The following NTRK3 variants were observed in gnomAD, a reference collection of about 807,000 sequenced individuals.
NTRK3 encodes neurotrophic receptor tyrosine kinase 3.
NTRK3 carries 24 observed loss-of-function variants against 91.7 expected under a neutral mutation model. The observed-to-expected ratio is 0.26, with a 90% CI of 0.19 to 0.37. The LOEUF is 0.37. Among genes scored for constraint, NTRK3 ranks in the 10% least tolerant of loss-of-function variants. The pLI is 1.00. For missense variants in NTRK3, 880 were observed against 1,068.9 expected (o/e 0.82, Z 2.46); for synonymous variants, 483 against 404.0 (o/e 1.20, Z -2.34).
intron 13 of NTRK3, among the ~76,000 whole-genome samples, chr15:88,108,374 T>C (rs1208665359): frequency 2.6e-5 from 4 of 152,202 alleles, no homozygotes; most frequent in African/African-American, 9.6e-5. Context: ...GGAAGTTCAT[T>C]GCCTATTTTC....
chr15:88,245,661 TG>T (rs1291503128), intron 3 of NTRK3, among the ~76,000 whole-genome samples: 1 of 152,148 alleles, frequency 6.6e-6, no homozygotes, highest in Non-Finnish European at 1.5e-5. Context: ...GATGAGGTTC[TG>T]GGGTGTAGTA....
chr15:88,063,913 C>T (rs939354218), intron 13 of NTRK3, among the ~76,000 whole-genome samples: 1 of 152,220 alleles, frequency 6.6e-6, no homozygotes, highest in Non-Finnish European at 1.5e-5. Flanking sequence ...TGTACAGTGT[C>T]TTCTGCTCCC....
At chr15:88,186,315 A>G (rs1344207984) in intron 3 of NTRK3, among the ~76,000 whole-genome samples, 1 of 152,228 alleles carries the variant, frequency 6.6e-6, no homozygotes, top group Non-Finnish European at 1.5e-5. Context: ...GTTGTCAATC[A>G]TTACCATGTT....
At chr15:87,860,588 C>T (rs988876709) in exon 19 of NTRK3, 1 of 205,012 alleles carries the variant, frequency 4.9e-6, no homozygotes, top group Non-Finnish European at 1.0e-5. Flanking sequence ...ATTGATTCTC[C>T]AAGACTCGCC....
chr15:87,919,737 T>A (rs1201976710), intron 17 of NTRK3, among the ~76,000 whole-genome samples: 1 of 152,112 alleles, frequency 6.6e-6, no homozygotes, highest in African/African-American at 2.4e-5. Flanking sequence ...AAGAAGAGGG[T>A]GGAGCAGAAA....
intron 5 of NTRK3, among the ~76,000 whole-genome samples, chr15:88,180,471 A>G (rs568434758): frequency 6.6e-6 from 1 of 152,354 alleles, no homozygotes; most frequent in Non-Finnish European, 1.5e-5. Context: ...CCTACTGTAC[A>G]GCAGACAACT....
chr15:87,964,960 G>A (rs906064182), intron 14 of NTRK3, among the ~76,000 whole-genome samples: 3 of 152,184 alleles, frequency 2.0e-5, no homozygotes, highest in African/African-American at 7.2e-5. Flanking sequence ...GCAAGTTTGT[G>A]TGTGTGTATA....
intron 13 of NTRK3, among the ~76,000 whole-genome samples, chr15:88,102,721 C>T (rs977142947): frequency 6.6e-6 from 1 of 152,132 alleles, no homozygotes; most frequent in African/African-American, 2.4e-5. Context: ...CATCCCCCTC[C>T]GAAATCTCCC....
intron 13 of NTRK3, among the ~76,000 whole-genome samples, chr15:88,042,875 T>G (rs1488867564): frequency 6.6e-6 from 1 of 152,210 alleles, no homozygotes; most frequent in Non-Finnish European, 1.5e-5. Context: ...CAGATCCACG[T>G]CTATCTGACT....
intron 6 of NTRK3, among the ~76,000 whole-genome samples, chr15:88,138,084 T>C (rs1048637591): frequency 1.3e-4 from 19 of 151,396 alleles, no homozygotes; most frequent in African/African-American, 4.4e-4. Flanking sequence ...CCTCACTTCA[T>C]GCAACTGTCT....
chr15:87,866,819 C>T (rs1024683222), exon 19 of NTRK3: 2 of 200,154 alleles, frequency 1.0e-5, no homozygotes, highest in Admixed American at 6.0e-5. Flanking sequence ...TTTTTTTCCC[C>T]CTCAAGATTT....
At chr15:88,096,230 C>T (rs941678897) in intron 13 of NTRK3, among the ~76,000 whole-genome samples, 1 of 152,156 alleles carries the variant, frequency 6.6e-6, no homozygotes, top group African/African-American at 2.4e-5. Context: ...CTCCCATCCC[C>T]AATCCTGACC....
rs1045270483 is a variant in NTRK3, at chr15:88,240,848, C to T, written c.248+15058G>A. ...AGTTTTCTCTAGAAGATTCCTCCAA[C>T]GGGCTGCCCTGCTAAGGGCAAAGCC... On this transcript the variant is annotated intron_variant, in intron 3 of 18. Coordinates refer to ENST00000394480, the Ensembl canonical transcript of NTRK3. The surrounding 1 kb of genome is among the most constrained non-coding windows in gnomAD (Gnocchi z 4.9). Among the ~76,000 whole-genome samples, 9 of 152,222 alleles carry T rather than the reference C, an allele frequency of 5.9e-5. No individual in the cohort carries two copies. In the East Asian group the frequency reaches 7.7e-4, roughly 13 times the overall value.
intron 3 of NTRK3, among the ~76,000 whole-genome samples, chr15:88,213,848 G>A (rs540050209): frequency 6.6e-6 from 1 of 152,288 alleles, no homozygotes; most frequent in Non-Finnish European, 1.5e-5. Context: ...GGGAGGATAA[G>A]GCGGGTGGAT....
At chr15:88,159,504 T>A (rs760768693) in intron 5 of NTRK3, among the ~76,000 whole-genome samples, 2 of 152,204 alleles carry the variant, frequency 1.3e-5, no homozygotes, top group Non-Finnish European at 2.9e-5. Flanking sequence ...GTGACATTGA[T>A]GTTGCTGGTT....
At chr15:88,212,163 T>G (rs1469452914) in intron 3 of NTRK3, among the ~76,000 whole-genome samples, 1 of 152,090 alleles carries the variant, frequency 6.6e-6, no homozygotes, top group Non-Finnish European at 1.5e-5. Context: ...GGTCAGGAGA[T>G]CGAGACCATC....
intron 14 of NTRK3, among the ~76,000 whole-genome samples, chr15:87,964,908 G>A (rs1416860533): frequency 6.6e-6 from 1 of 152,068 alleles, no homozygotes; most frequent in Non-Finnish European, 1.5e-5. Context: ...GCGTTTTTCT[G>A]CTCTTGACCA....
At chr15:88,061,635 G>C (rs1400135913) in intron 13 of NTRK3, among the ~76,000 whole-genome samples, 3 of 152,268 alleles carry the variant, frequency 2.0e-5, no homozygotes, top group Non-Finnish European at 4.4e-5. Flanking sequence ...CACTAAGCCA[G>C]TCCTTCCCAC....
At chr15:88,072,008 T>G (rs1459767476) in intron 13 of NTRK3, among the ~76,000 whole-genome samples, 1 of 150,396 alleles carries the variant, frequency 6.6e-6, no homozygotes, top group Admixed American at 6.6e-5. Context: ...AAACATCTTT[T>G]TTTTTTTTTT....
Sources: allele counts gnomAD v4.1 joint callset (sites outside exome capture counted in the v4.1 genomes callset), GRCh38; gene constraint gnomAD v4.1.1; non-coding constraint Gnocchi (gnomAD v3.1); transcripts MANE v1.5; gene names NCBI Gene and HGNC (gene_info 2026-07-23, HGNC 2026-07-21).